MEI4: variants seen among roughly 807,000 people sequenced by gnomAD.
MEI4 encodes the protein meiosis-specific protein MEI4.
Under a neutral mutation model 31.4 loss-of-function variants are expected in MEI4, and 27 were observed. The ratio of observed to expected loss-of-function variants is 0.86; its 90% CI spans 0.63 to 1.19. The LOEUF (loss-of-function observed/expected upper bound fraction) is 1.19, where lower values mean the gene tolerates loss of function less well. MEI4 is among the 50% of genes most tolerant of loss of function. MEI4 has a pLI of 0.00. For synonymous variants in MEI4, 122 were observed against 145.4 expected (o/e 0.84, Z 1.16); for missense variants, 329 against 398.9 (o/e 0.82, Z 1.49).
chr6:77,693,360 T>A (rs3846758), intron 2 of MEI4, among the ~76,000 whole-genome samples: 56,652 of 151,740 alleles, frequency 0.37, 11,885 homozygotes, highest in East Asian at 0.5. Context: ...ATCATAAGCA[T>A]CCATGAAATC....
chr6:77,825,080 T>G (rs1769911783), intron 3 of MEI4, among the ~76,000 whole-genome samples: 1 of 152,162 alleles, frequency 6.6e-6, no homozygotes, highest in African/African-American at 2.4e-5. Context: ...TTCATTATAT[T>G]CTTATAATTT....
intron 4 of MEI4, among the ~76,000 whole-genome samples, chr6:77,855,568 G>A (rs1006551438): frequency 1.3e-5 from 2 of 152,102 alleles, no homozygotes; most frequent in African/African-American, 4.8e-5. Flanking sequence ...AATGGGATTG[G>A]TTTTAGAAAG....
intron 2 of MEI4, among the ~76,000 whole-genome samples, chr6:77,696,877 T>C (rs1351172143): frequency 6.6e-6 from 1 of 152,252 alleles, no homozygotes; most frequent in Non-Finnish European, 1.5e-5. Context: ...AGAATTCGGC[T>C]GTGAATCCAT....
chr6:77,754,249 A>G (rs952895294), intron 2 of MEI4, among the ~76,000 whole-genome samples: 2 of 152,164 alleles, frequency 1.3e-5, no homozygotes, highest in Non-Finnish European at 2.9e-5. Context: ...CTTAAAGTAT[A>G]ATAGAAATAA....
chr6:77,884,253 G>A (rs1041594108), intron 4 of MEI4, among the ~76,000 whole-genome samples: 4 of 152,034 alleles, frequency 2.6e-5, no homozygotes, highest in African/African-American at 9.7e-5. Context: ...CTGGATATTA[G>A]TTCCTTGTCA....
chr6:77,679,725 T>C (rs143850721), intron 1 of MEI4, among the ~76,000 whole-genome samples: 431 of 152,018 alleles, frequency 2.8e-3, no homozygotes, highest in Non-Finnish European at 5.1e-3. Context: ...ATATGCTTTA[T>C]GCTGTTTATT....
chr6:77,664,132 G>A (rs1186991090), intron 1 of MEI4, among the ~76,000 whole-genome samples: 1 of 152,160 alleles, frequency 6.6e-6, no homozygotes, highest in Non-Finnish European at 1.5e-5. Flanking sequence ...GTGGAGGCAA[G>A]GAATTGCAAC....
intron 3 of MEI4, among the ~76,000 whole-genome samples, chr6:77,790,116 G>T (rs111781544): frequency 4.6e-5 from 7 of 152,018 alleles, no homozygotes; most frequent in Admixed American, 1.3e-4. Flanking sequence ...GGACATGAAT[G>T]AAGCTGGAGA....
intron 4 of MEI4, among the ~76,000 whole-genome samples, chr6:77,893,000 G>A (rs1766000878): frequency 6.6e-6 from 1 of 152,106 alleles, no homozygotes; most frequent in South Asian, 2.1e-4. Context: ...CCTGCAGTGG[G>A]GATGTCTGTG....
chr6:77,923,077 G>A lies in MEI4; in HGVS notation c.901-12G>A, dbSNP rs552649485. The A allele has an allele frequency of 4.1e-6, 5 of 1,229,076 alleles. No individual in the cohort carries two copies. In the East Asian group the frequency reaches 1.3e-4, roughly 31 times the overall value. 76.1% of individuals were successfully genotyped at this position (1,229,076 alleles called of 1,614,324 possible). On this transcript the variant is annotated splice_polypyrimidine_tract_variant and intron_variant, in intron 4 of 4. Transcript: ENST00000684080. ...ACCCAATTTTTTAAAGGAGTTTGTTGTTTATTTGTAGGAGCAAGCCAGTTA... is the reference window on the plus strand; with the variant it reads ...ACCCAATTTTTTAAAGGAGTTTGTTATTTATTTGTAGGAGCAAGCCAGTTA...
At chr6:77,715,681 G>A (rs1766563888) in intron 2 of MEI4, among the ~76,000 whole-genome samples, 1 of 152,146 alleles carries the variant, frequency 6.6e-6, no homozygotes, top group African/African-American at 2.4e-5. Flanking sequence ...TTTACTGGCA[G>A]ATAGACTATA....
intron 2 of MEI4, among the ~76,000 whole-genome samples, chr6:77,735,990 T>C (rs1311459198): frequency 6.6e-6 from 1 of 152,036 alleles, no homozygotes; most frequent in Non-Finnish European, 1.5e-5. Flanking sequence ...AGTCTGCCCG[T>C]TCTCAGATCT....
At chr6:77,736,540 TC>T (rs1275142994) in intron 2 of MEI4, among the ~76,000 whole-genome samples, 1 of 152,050 alleles carries the variant, frequency 6.6e-6, no homozygotes, top group Non-Finnish European at 1.5e-5. Flanking sequence ...TGTCTGGCAC[TC>T]CCTAATGAGA....
intron 1 of MEI4, among the ~76,000 whole-genome samples, chr6:77,689,348 G>T (rs1489178475): frequency 6.6e-6 from 1 of 151,756 alleles, no homozygotes; most frequent in East Asian, 1.9e-4. Flanking sequence ...TTAACTATTT[G>T]TCAGTCCATT....
intron 4 of MEI4, among the ~76,000 whole-genome samples, chr6:77,845,860 C>G (rs1460209612): frequency 6.9e-6 from 1 of 145,482 alleles, no homozygotes; most frequent in Non-Finnish European, 1.5e-5. Context: ...GTTGAGTGCA[C>G]TGAATCCTTA....
At chr6:77,765,938 C>A (rs1361060667) in intron 3 of MEI4, among the ~76,000 whole-genome samples, 1 of 152,088 alleles carries the variant, frequency 6.6e-6, no homozygotes, top group East Asian at 1.9e-4. Flanking sequence ...GGACAAAAAA[C>A]CAAACACCAC....
intron 2 of MEI4, among the ~76,000 whole-genome samples, chr6:77,738,268 G>A (rs1767307217): frequency 6.6e-6 from 1 of 152,156 alleles, no homozygotes; most frequent in African/African-American, 2.4e-5. Flanking sequence ...TGAAGCTCAG[G>A]TAGTGAAGAC....
At chr6:77,851,578 A>C (rs1170111247) in intron 4 of MEI4, among the ~76,000 whole-genome samples, 3 of 144,612 alleles carry the variant, frequency 2.1e-5, no homozygotes, top group Non-Finnish European at 3.0e-5. Flanking sequence ...GTGGGAATTG[A>C]ACAATGAGAA....
At chr6:77,908,294 A>G (rs1457292606) in intron 4 of MEI4, among the ~76,000 whole-genome samples, 1 of 152,174 alleles carries the variant, frequency 6.6e-6, no homozygotes. Context: ...CTAACATTTA[A>G]GTCTTTAATC....
Sources: allele counts gnomAD v4.1 joint callset (sites outside exome capture counted in the v4.1 genomes callset), GRCh38; gene constraint gnomAD v4.1.1; transcripts MANE v1.5; gene names NCBI Gene and HGNC (gene_info 2026-07-23, HGNC 2026-07-21).